The following TUSC3 variants were observed in gnomAD, a reference collection of about 807,000 sequenced individuals.
TUSC3 encodes tumor suppressor candidate 3.
Under a neutral mutation model 44.8 loss-of-function variants are expected in TUSC3, and 45 were observed. The ratio of observed to expected loss-of-function variants is 1.00; its 90% CI spans 0.79 to 1.29. The LOEUF is 1.29. TUSC3 is among the 50% of genes most tolerant of loss of function. The probability of loss-of-function intolerance (pLI) is 0.00; values close to 1 mark genes in which losing one functional copy is unlikely to be tolerated. For synonymous variants in TUSC3, 212 were observed against 152.9 expected (o/e 1.39, Z -2.85); for missense variants, 519 against 437.9 (o/e 1.19, Z -1.65).
intron 1 of TUSC3, among the ~76,000 whole-genome samples, chr8:15,577,264 C>T (rs1803153510): frequency 6.6e-6 from 1 of 151,178 alleles, no homozygotes; most frequent in African/African-American, 2.4e-5. Context: ...TTGTAGGTTG[C>T]CTGTTCACTC....
intron 1 of TUSC3, among the ~76,000 whole-genome samples, chr8:15,565,880 A>G (rs1802649868): frequency 6.6e-6 from 1 of 152,078 alleles, no homozygotes. Flanking sequence ...TTGGCTCTGT[A>G]CTATTATATG....
At position 15,651,866 on chromosome 8, in the gene TUSC3, CATT is replaced by C. The variant is rs530547366; in HGVS notation, c.426+1053_426+1055del. On this transcript the variant is annotated intron_variant, in intron 3 of 10. Transcript: ENST00000503731. ...GATGTTGTCATGGTTGTATCATCAT[CATT>C]GTTGACATCGAGAGCTTATGTCCAG... Among the ~76,000 whole-genome samples the C allele has an allele frequency of 2.1e-3, 323 of 152,314 alleles. 1 individual carries two copies. Among genetic ancestry groups the C allele is most frequent in the Admixed American group, 5.8e-3 (89 of 15,300 alleles).
intron 2 of TUSC3, among the ~76,000 whole-genome samples, chr8:15,638,262 A>C (rs751564355): frequency 1.8e-4 from 28 of 151,388 alleles, no homozygotes; most frequent in Non-Finnish European, 3.4e-4. Context: ...CTGAAGTTAT[A>C]AATGTTAATT....
chr8:15,718,308 G>A (rs1355082688), intron 6 of TUSC3, among the ~76,000 whole-genome samples: 1 of 152,130 alleles, frequency 6.6e-6, no homozygotes, highest in Admixed American at 6.6e-5. Context: ...CTTTGTGATG[G>A]ATTGTAAGGT....
intron 9 of TUSC3, among the ~76,000 whole-genome samples, chr8:15,752,492 G>A (rs1585304506): frequency 6.6e-6 from 1 of 152,064 alleles, no homozygotes; most frequent in African/African-American, 2.4e-5. Flanking sequence ...TCAAATTCTA[G>A]ATGTTTGCAA....
chr8:15,492,053 A>G (rs901829814), intron 2 of TUSC3, among the ~76,000 whole-genome samples: 2 of 152,110 alleles, frequency 1.3e-5, no homozygotes, highest in African/African-American at 4.8e-5. Context: ...TTTACTCCTC[A>G]TATTCCTGGC....
chr8:15,659,334 T>G (rs997077822), intron 3 of TUSC3, among the ~76,000 whole-genome samples, 173 bp from the exon 4 acceptor site: 2 of 152,176 alleles, frequency 1.3e-5, no homozygotes, highest in African/African-American at 4.8e-5. Context: ...TTACATGTTC[T>G]TTTTCATCCA....
chr8:15,766,815 C>T (rs1009443613), downstream of TUSC3, among the ~76,000 whole-genome samples: 7 of 151,988 alleles, frequency 4.6e-5, no homozygotes, highest in Admixed American at 3.3e-4. Flanking sequence ...CCTAAGGGTA[C>T]GTGAAGGGAG....
chr8:15,797,785 A>T, the TUSC3 span, among the ~76,000 whole-genome samples: 1 of 152,198 alleles, frequency 6.6e-6, no homozygotes, highest in South Asian at 2.1e-4. Flanking sequence ...AAGACAACAC[A>T]GCAAGTGCTA....
At chr8:15,676,383 G>A (rs750805658) in intron 6 of TUSC3, among the ~76,000 whole-genome samples, 3 of 152,010 alleles carry the variant, frequency 2.0e-5, no homozygotes, top group Non-Finnish European at 4.4e-5. Context: ...CCTTTGTCAG[G>A]TACATAGTTT....
chr8:15,528,521 A>T (rs1051059180), intron 2 of TUSC3, among the ~76,000 whole-genome samples: 5 of 152,222 alleles, frequency 3.3e-5, no homozygotes, highest in Non-Finnish European at 7.3e-5. Flanking sequence ...ACTGTGAAGT[A>T]TTCTGCAGCA....
chr8:15,637,937 T>A (rs535421095), intron 2 of TUSC3, among the ~76,000 whole-genome samples: 1 of 152,278 alleles, frequency 6.6e-6, no homozygotes, highest in Admixed American at 6.6e-5. Flanking sequence ...CTTCTCTGTT[T>A]CACTCTATCA....
At chr8:15,640,947 C>T (rs1030911093) in intron 2 of TUSC3, among the ~76,000 whole-genome samples, 4 of 152,216 alleles carry the variant, frequency 2.6e-5, no homozygotes, top group South Asian at 2.1e-4. Flanking sequence ...AAGTTATACA[C>T]GAAGACTAGG....
rs371792364 is a variant in TUSC3, at chr8:15,743,623, G to C, written c.937+11G>C. The C allele has an allele frequency of 1.3e-4, 204 of 1,613,806 alleles. No homozygotes were observed. The African/African-American group carries it at 2.2e-3, about 17-fold the overall frequency. ...TTGGAAAAAGACGGAGTAAGTCTCT[G>C]TGTTGCCATTTTTGTAATTTCGTTT... On this transcript the variant is annotated intron_variant, in intron 8 of 10. Coordinates refer to ENST00000503731, the MANE Select transcript of TUSC3 (RefSeq NM_006765.4).
At chr8:15,486,404 T>G (rs891269108) in intron 2 of TUSC3, among the ~76,000 whole-genome samples, 3 of 152,156 alleles carry the variant, frequency 2.0e-5, no homozygotes, top group Admixed American at 1.3e-4. Context: ...TTATTTTGGT[T>G]TGATCATTCT....
intron 2 of TUSC3, among the ~76,000 whole-genome samples, chr8:15,531,717 C>T (rs1050450334): frequency 2.0e-5 from 3 of 152,176 alleles, no homozygotes; most frequent in African/African-American, 7.2e-5. Context: ...AGATAACTTC[C>T]ACTGTTAATG....
At chr8:15,492,406 T>C (rs1800821191) in intron 2 of TUSC3, among the ~76,000 whole-genome samples, 1 of 152,200 alleles carries the variant, frequency 6.6e-6, no homozygotes, top group South Asian at 2.1e-4. Context: ...AATACAGGCT[T>C]GTCTGCACAG....
intron 1 of TUSC3, among the ~76,000 whole-genome samples, chr8:15,420,188 A>T (rs1055024475): frequency 6.6e-6 from 1 of 152,102 alleles, no homozygotes; most frequent in African/African-American, 2.4e-5. Context: ...GCTTTTATAA[A>T]GGTCACATTA....
intron 1 of TUSC3, among the ~76,000 whole-genome samples, chr8:15,622,671 G>A (rs957500691): frequency 6.6e-6 from 1 of 152,136 alleles, no homozygotes; most frequent in African/African-American, 2.4e-5. Context: ...GGGTGGTTGT[G>A]AGGTTGTAGT....
Sources: allele counts gnomAD v4.1 joint callset (sites outside exome capture counted in the v4.1 genomes callset), GRCh38; gene constraint gnomAD v4.1.1; transcripts MANE v1.5; gene names NCBI Gene and HGNC (gene_info 2026-07-23, HGNC 2026-07-21).